TNR: variants seen among roughly 807,000 people sequenced by gnomAD.
TNR encodes tenascin R.
TNR carries 45 observed loss-of-function variants against 150.4 expected under a neutral mutation model. The observed-to-expected ratio is 0.30, with a 90% CI of 0.24 to 0.38. The LOEUF (loss-of-function observed/expected upper bound fraction) is 0.38. Ranked by LOEUF, TNR falls within the 10% of genes least tolerant of loss-of-function variation. The probability of loss-of-function intolerance (pLI) is 1.00; values close to 1 mark genes in which losing one functional copy is unlikely to be tolerated. For synonymous variants in TNR, 687 were observed against 678.4 expected, an observed-to-expected ratio of 1.01 and a Z score of -0.20; for missense variants, 1,544 against 1,759.1, an observed-to-expected ratio of 0.88 and a Z score of 2.19.
chr1:175,502,227 G>C (rs539407463), intron 2 of TNR, among the ~76,000 whole-genome samples: 2 of 152,202 alleles, frequency 1.3e-5, no homozygotes, highest in East Asian at 3.9e-4. Context: ...ATTTCAAAAA[G>C]CTTCCCACGT....
In TNR at chr1:175,391,295, G is replaced by C; in HGVS notation, c.1500C>G (p.Val500=). 1.2e-6 allele frequency: 2 copies of C among 1,613,752 alleles called. No individual in the cohort carries two copies. Among genetic ancestry groups the C allele is most frequent in the South Asian group, 2.2e-5 (2 of 91,058 alleles). The part of the protein sequence containing the change: ...QARSPPTSAS[V]STVIDGPTQI... ...AGGGTTGGAGGCACTCACCTGTGGAGACGCTGGCCGAGGTAGGGGGGCTGC... is the reference window on the plus strand; with the variant it reads ...AGGGTTGGAGGCACTCACCTGTGGACACGCTGGCCGAGGTAGGGGGGCTGC... Residue 500 remains valine, a synonymous_variant, in exon 7 of 23, where the codon GTC becomes GTG. Transcript: ENST00000367674.
chr1:175,336,543 G>A (rs1431593611), intron 19 of TNR, among the ~76,000 whole-genome samples: 1 of 152,254 alleles, frequency 6.6e-6, no homozygotes. Flanking sequence ...ATGTTGGGCT[G>A]CTTTAGGGCC....
At chr1:175,417,385 C>T (rs959424462) in intron 2 of TNR, among the ~76,000 whole-genome samples, 12 of 151,978 alleles carry the variant, frequency 7.9e-5, no homozygotes, top group Non-Finnish European at 1.2e-4. Flanking sequence ...TAACTGGAGC[C>T]CCCAGGCCAA....
chr1:175,362,536 A>G, intron 14 of TNR, 127 bp downstream of exon 14: 1 of 1,182,574 alleles, frequency 8.5e-7, no homozygotes, highest in Non-Finnish European at 1.2e-6. Flanking sequence ...GCCCTGCAAG[A>G]CACAGTGAGT....
intron 2 of TNR, among the ~76,000 whole-genome samples, chr1:175,459,778 A>G (rs1020390863): frequency 3.3e-5 from 5 of 152,166 alleles, no homozygotes; most frequent in African/African-American, 1.2e-4. Context: ...GACAGCTCTG[A>G]CTTCAAACCC....
At chr1:175,518,845 T>C (rs553540063) in intron 2 of TNR, among the ~76,000 whole-genome samples, 1 of 152,330 alleles carries the variant, frequency 6.6e-6, no homozygotes, top group African/African-American at 2.4e-5. Flanking sequence ...CCATTATCTT[T>C]ATTATTACCT....
At position 175,522,158 on chromosome 1, in the gene TNR, G is replaced by A. The variant is rs541722023; in HGVS notation, c.-64+6111C>T. ...TCCTGCCTAAATGCCACAGGCTGGC[G>A]GCACTCGAAGCCACTGCTTAAGTGT... On this transcript the variant is annotated intron_variant, in intron 2 of 22. Coordinates refer to ENST00000367674, the MANE Select transcript of TNR (RefSeq NM_003285.3). 9.2e-5 allele frequency among the ~76,000 whole-genome samples: 14 copies of A among 151,974 alleles called. No individual in the cohort carries two copies. In the South Asian group the frequency reaches 2.3e-3, roughly 25 times the overall value.
intron 21 of TNR, among the ~76,000 whole-genome samples, chr1:175,325,683 C>T (rs1325670678): frequency 6.6e-6 from 1 of 152,184 alleles, no homozygotes; most frequent in Non-Finnish European, 1.5e-5. Context: ...GAATACTATG[C>T]AGCCATAAAA....
chr1:175,317,684 G>C lies in TNR; in HGVS notation c.*5673C>G, dbSNP rs1240698861. ...CCATGGTGCCAGTGAGTGAGTGCCA[G>C]TACCCAGGAGAGCTGGCCTCATAAG... On this transcript the variant is annotated 3_prime_UTR_variant, in exon 23 of 23. Coordinates refer to ENST00000367674, the MANE Select transcript of TNR (RefSeq NM_003285.3). 2 of 152,258 alleles carry C rather than the reference G, an allele frequency of 1.3e-5. No homozygotes were observed. Among genetic ancestry groups the C allele is most frequent in the Non-Finnish European group, 2.9e-5 (2 of 68,062 alleles). The allele number at this position is 152,258 out of a possible 1,614,324, so 9.4% of individuals were successfully genotyped here. A position where few individuals can be genotyped will look rare whatever the true frequency, so the allele number is the denominator to read the frequency against.
At chr1:175,529,451 C>A (rs1448959223) in intron 1 of TNR, among the ~76,000 whole-genome samples, 1 of 152,200 alleles carries the variant, frequency 6.6e-6, no homozygotes. Context: ...AGTGAATACT[C>A]CAGTGCATCC....
At chr1:175,345,118 A>C (rs1023097380) in intron 18 of TNR, among the ~76,000 whole-genome samples, 1 of 152,006 alleles carries the variant, frequency 6.6e-6, no homozygotes, top group African/African-American at 2.4e-5. Flanking sequence ...AAAAACAAAC[A>C]AAACAAAACA....
chr1:175,638,034 A>C (rs6425354), intron 1 of TNR, among the ~76,000 whole-genome samples: 22,322 of 152,134 alleles, frequency 0.15, 2,068 homozygotes, highest in East Asian at 0.41. Flanking sequence ...GACAAGCTGC[A>C]TAGAAGCATC....
chr1:175,407,049 G>T (rs1653997075), intron 2 of TNR, among the ~76,000 whole-genome samples: 1 of 152,202 alleles, frequency 6.6e-6, no homozygotes, highest in Non-Finnish European at 1.5e-5. Flanking sequence ...GTGGGCAAAT[G>T]GTTCTTGGAG....
At chr1:175,538,466 A>G (rs903823686) in intron 1 of TNR, among the ~76,000 whole-genome samples, 1 of 152,234 alleles carries the variant, frequency 6.6e-6, no homozygotes. Context: ...GCCTTGGAAA[A>G]TGAAAATATA....
In TNR at chr1:175,322,760, C is replaced by T; in HGVS notation, c.*597G>A. ...TTGCACCACTGCACTCCAGACTGAG[C>T]AAGAGTGAGATACTGTCAAGAAAGA... On this transcript the variant is annotated 3_prime_UTR_variant, in exon 23 of 23. Coordinates refer to ENST00000367674, the MANE Select transcript of TNR (RefSeq NM_003285.3). The T allele has an allele frequency of 6.6e-6, 1 of 151,852 alleles. No individual in the cohort carries two copies. The highest frequency in any genetic ancestry group is 6.6e-5 in the Admixed American group (1 of 15,258). The allele number at this position is 151,852 out of a possible 1,614,324, so 9.4% of individuals were successfully genotyped here. A position where few individuals can be genotyped will look rare whatever the true frequency, so the allele number is the denominator to read the frequency against.
rs538526797 is a variant in TNR at position 175,576,960 on chromosome 1, A to G, written c.-164-48591T>C. Reference sequence around the variant, plus strand: ...ACTGGACTCTGTAAAATCCTCAAAGACTAATATAAAGACCCTGGTAATTAG... The same window carrying G: ...ACTGGACTCTGTAAAATCCTCAAAGGCTAATATAAAGACCCTGGTAATTAG... On this transcript the variant is annotated intron_variant, in intron 1 of 22. Coordinates refer to ENST00000367674, the MANE Select transcript of TNR (RefSeq NM_003285.3). Among the ~76,000 whole-genome samples, 88 of 152,304 alleles carry G rather than the reference A, an allele frequency of 5.8e-4. No individual in the cohort carries two copies. In the Middle Eastern group the frequency reaches 0.01, roughly 18 times the overall value.
intron 1 of TNR, among the ~76,000 whole-genome samples, chr1:175,553,462 G>C (rs1001062843): frequency 2.0e-5 from 3 of 152,058 alleles, no homozygotes; most frequent in Non-Finnish European, 4.4e-5. Flanking sequence ...TACCACTGGG[G>C]CCCTAAAACC....
intron 1 of TNR, among the ~76,000 whole-genome samples, chr1:175,559,300 C>T (rs544584740): frequency 1.1e-3 from 173 of 152,106 alleles, no homozygotes; most frequent in African/African-American, 3.9e-3. Context: ...AATTTTATGC[C>T]ATGTGAATTT....
chr1:175,493,177 A>C (rs1480249524), intron 2 of TNR, among the ~76,000 whole-genome samples: 1 of 152,096 alleles, frequency 6.6e-6, no homozygotes, highest in East Asian at 1.9e-4. Context: ...GGTTGCACGG[A>C]GCCCAGAAAT....
Sources: allele counts gnomAD v4.1 joint callset (sites outside exome capture counted in the v4.1 genomes callset), GRCh38; gene constraint gnomAD v4.1.1; transcripts MANE v1.5; gene names NCBI Gene and HGNC (gene_info 2026-07-23, HGNC 2026-07-21).